Variants in WASF1 observed in about 807,000 individuals in gnomAD.
The protein encoded by WASF1 is actin-binding protein WASF1.
In WASF1, 7 loss-of-function variants were observed where a neutral mutation model predicts 50.5. The observed-to-expected ratio is 0.14, with a 90% CI of 0.08 to 0.26. The LOEUF (loss-of-function observed/expected upper bound fraction) is 0.26, where lower values mean the gene tolerates loss of function less well. WASF1 is among the 10% of genes least tolerant of loss of function. The pLI is 1.00. For missense variants in WASF1, 470 were observed against 694.7 expected (o/e 0.68, Z 3.64); for synonymous variants, 205 against 244.0 (o/e 0.84, Z 1.49).
At position 110,115,042 on chromosome 6, in the gene WASF1, T is replaced by C. The variant is rs1773736015; in HGVS notation, c.134-1582A>G. On this transcript the variant is annotated intron_variant, in intron 4 of 10. Coordinates refer to ENST00000392589, the MANE Select transcript of WASF1 (RefSeq NM_003931.3). The stretch of plus-strand genomic sequence containing the variant: ...AGGAGGTCGAGGCTATTGTGAGTCG[T>C]GATCATGCCACTGTACTCCAGCCCA... Among the ~76,000 whole-genome samples, 7 of 150,798 alleles carry C rather than the reference T, an allele frequency of 4.6e-5. No homozygotes were observed. The Admixed American group carries it at 4.6e-4, about 10-fold the overall frequency.
intron 3 of WASF1, among the ~76,000 whole-genome samples, chr6:110,151,669 A>T (rs1216449935): frequency 1.3e-5 from 2 of 152,168 alleles, no homozygotes; most frequent in Admixed American, 1.3e-4. Context: ...TATTAATCAC[A>T]ATTTTGAGTG....
chr6:110,121,011 C>T (rs1055983328), intron 4 of WASF1, among the ~76,000 whole-genome samples: 2 of 152,188 alleles, frequency 1.3e-5, no homozygotes, highest in African/African-American at 4.8e-5. Context: ...TAGATCCCTT[C>T]TTTACACCGT....
intron 2 of WASF1, among the ~76,000 whole-genome samples, chr6:110,174,893 T>C (rs911463887): frequency 5.3e-5 from 8 of 152,142 alleles, no homozygotes; most frequent in South Asian, 2.1e-4. Context: ...TTTTATTCTG[T>C]AGTAATTGCA....
chr6:110,108,679 A>G lies in WASF1; in HGVS notation c.271T>C (p.Ser91Pro). 2 of 1,609,276 alleles carry G rather than the reference A, an allele frequency of 1.2e-6. No individual in the cohort carries two copies. Among genetic ancestry groups the G allele is most frequent in the Non-Finnish European group, 1.7e-6 (2 of 1,178,296 alleles). The change falls in exon 6 of 11, where the codon TCT becomes CCT. Residue 91 changes from serine to proline, a missense_variant and splice_region_variant. Transcript: ENST00000392589. The part of the protein sequence containing the change: ...TQLDPKEEEL[S>P]LQDITMRKAF... ...TTCCTCATTGTTATATCTTGCAAAG[A>G]CACTAAAACAAAAATCAAGAATTCA...
chr6:110,131,638 G>C (rs1181815310), intron 3 of WASF1, among the ~76,000 whole-genome samples: 1 of 152,126 alleles, frequency 6.6e-6, no homozygotes, highest in Admixed American at 6.5e-5. Context: ...CTCCGGAGCA[G>C]CTGGGACTAC....
At chr6:110,141,651 A>C (rs1421550894) in intron 3 of WASF1, among the ~76,000 whole-genome samples, 1 of 152,232 alleles carries the variant, frequency 6.6e-6, no homozygotes, top group East Asian at 1.9e-4. Flanking sequence ...CAAGATCTAG[A>C]ACACAGATGT....
intron 3 of WASF1, among the ~76,000 whole-genome samples, chr6:110,146,939 T>C (rs566040170): frequency 6.6e-6 from 1 of 152,232 alleles, no homozygotes; most frequent in African/African-American, 2.4e-5. Context: ...ACTAAAGAAC[T>C]AGTCATCATG....
chr6:110,111,933 C>T (rs765406466), intron 5 of WASF1, among the ~76,000 whole-genome samples: 1 of 151,824 alleles, frequency 6.6e-6, no homozygotes, highest in Non-Finnish European at 1.5e-5. Flanking sequence ...GCAAGGTATA[C>T]GTAGGTTGTG....
At position 110,120,537 on chromosome 6, in the gene WASF1, G is replaced by A. The variant is rs541339511; in HGVS notation, c.133+6932C>T. Among the ~76,000 whole-genome samples, 12 of 152,124 alleles carry A rather than the reference G, an allele frequency of 7.9e-5. No individual in the cohort carries two copies. In the South Asian group the frequency reaches 2.3e-3, roughly 29 times the overall value. On this transcript the variant is annotated intron_variant, in intron 4 of 10. Transcript: ENST00000392589. The stretch of plus-strand genomic sequence containing the variant: ...AACCACTGCTCAACGAAATAAAAGA[G>A]GACACAAACAAATGGAAGAACATTC...
chr6:110,146,990 T>C (rs904615936), intron 3 of WASF1, among the ~76,000 whole-genome samples: 1 of 152,128 alleles, frequency 6.6e-6, no homozygotes, highest in Non-Finnish European at 1.5e-5. Context: ...ACTCTGGCTC[T>C]TGGTTTAAAA....
intron 2 of WASF1, among the ~76,000 whole-genome samples, chr6:110,162,928 T>C: frequency 6.6e-6 from 1 of 151,578 alleles, no homozygotes; most frequent in East Asian, 1.9e-4. Flanking sequence ...AGTATGCTGA[T>C]TGGGAAGGAG....
At chr6:110,155,761 A>G (rs1376646731) in intron 3 of WASF1, among the ~76,000 whole-genome samples, 2 of 44,208 alleles carry the variant, frequency 4.5e-5, no homozygotes, top group Non-Finnish European at 8.6e-5. Context: ...TGTCCATGTG[A>G]TCTCATTGTT....
At chr6:110,152,707 T>C (rs1584009153) in intron 3 of WASF1, among the ~76,000 whole-genome samples, 1 of 152,208 alleles carries the variant, frequency 6.6e-6, no homozygotes, top group African/African-American at 2.4e-5. Context: ...TTCATACTTC[T>C]GACTTATAGG....
chr6:110,153,616 C>T (rs1226174026), intron 3 of WASF1, among the ~76,000 whole-genome samples: 2 of 151,992 alleles, frequency 1.3e-5, no homozygotes, highest in East Asian at 3.9e-4. Context: ...CTGCTTAAAG[C>T]TAACACAAGA....
chr6:110,120,864 GCCCTCAGAAATAACA>G, intron 4 of WASF1, among the ~76,000 whole-genome samples: 1 of 152,202 alleles, frequency 6.6e-6, no homozygotes, highest in South Asian at 2.1e-4. Flanking sequence ...ACAGAACAGA[GCCCTCAGAAATAACA>G]CCACACATCT....
chr6:110,159,786 T>C (rs963871462), intron 3 of WASF1, among the ~76,000 whole-genome samples: 4 of 151,904 alleles, frequency 2.6e-5, no homozygotes, highest in African/African-American at 4.8e-5. Flanking sequence ...AAGGTAACTT[T>C]ATGTAACACT....
intron 3 of WASF1, among the ~76,000 whole-genome samples, chr6:110,137,000 T>A (rs1774998172): frequency 6.6e-6 from 1 of 152,232 alleles, no homozygotes; most frequent in South Asian, 2.1e-4. Flanking sequence ...TCATGATTGA[T>A]TTCTGTCTCC....
At position 110,142,012 on chromosome 6, in the gene WASF1, C is replaced by T. The variant is rs761137884; in HGVS notation, c.-28-14383G>A. On this transcript the variant is annotated intron_variant, in intron 3 of 10. Coordinates refer to ENST00000392589, the MANE Select transcript of WASF1 (RefSeq NM_003931.3). ...CGAACTCCCGACCTCGTGATCCACC[C>T]GCCTCACACATACACTTTCTAAAGC... Among the ~76,000 whole-genome samples, 3 of 152,068 alleles carry T rather than the reference C, an allele frequency of 2.0e-5. No homozygotes were observed. The East Asian group carries it at 5.8e-4, about 29-fold the overall frequency.
rs145962158 is a variant in WASF1 at position 110,165,258 on chromosome 6, T to C, written c.-126-4526A>G. ...GTACTATTCTGGTACAGAATGTTAA[T>C]AGGCTATACATATGTGGGGTCAGAG... On this transcript the variant is annotated intron_variant, in intron 2 of 10. Transcript: ENST00000392589. Among the ~76,000 whole-genome samples the C allele has an allele frequency of 7.2e-3, 1,088 of 151,824 alleles. 19 individuals are homozygous for C. Among genetic ancestry groups the C allele is most frequent in the African/African-American group, 0.025 (1,047 of 41,494 alleles).
Sources: gnomAD v4.1 joint callset for allele counts (sites outside exome capture counted in the v4.1 genomes callset) on GRCh38, gnomAD v4.1.1 for gene constraint, MANE v1.5 for transcripts, NCBI Gene and HGNC (gene_info 2026-07-23, HGNC 2026-07-21) for gene names.